KDM4B: variants seen among roughly 807,000 people sequenced by gnomAD.
KDM4B encodes lysine-specific demethylase 4B.
Under a neutral mutation model 125.2 loss-of-function variants are expected in KDM4B, and 32 were observed. The observed-to-expected ratio is 0.26, with a 90% confidence interval of 0.19 to 0.34. The LOEUF is 0.34. Among genes scored for constraint, KDM4B ranks in the 10% least tolerant of loss-of-function variants. The pLI, the probability that KDM4B is intolerant of heterozygous loss-of-function variation, is 1.00. For synonymous variants in KDM4B, 721 were observed against 677.9 expected, an observed-to-expected ratio of 1.06 and a Z score of -0.99; for missense variants, 1,190 against 1,577.7, an observed-to-expected ratio of 0.75 and a Z score of 4.16.
At chr19:5,101,447 C>G (rs1030550532) in intron 9 of KDM4B, among the ~76,000 whole-genome samples, 4 of 151,312 alleles carry the variant, frequency 2.6e-5, no homozygotes, top group Non-Finnish European at 2.9e-5. Context: ...TGCTTGAGCC[C>G]AGGACTTCGG....
intron 1 of KDM4B, among the ~76,000 whole-genome samples, chr19:4,979,595 G>A (rs532248908): frequency 1.3e-5 from 2 of 152,278 alleles, no homozygotes; most frequent in East Asian, 3.9e-4. Flanking sequence ...AGGCAGCCCC[G>A]TCCTCGAGGA....
chr19:5,043,968 C>T (rs978089621), intron 5 of KDM4B, among the ~76,000 whole-genome samples: 3 of 136,416 alleles, frequency 2.2e-5, no homozygotes, highest in Admixed American at 7.6e-5. Context: ...TGGTGGTTAT[C>T]GGAGTGGGGG....
rs2039952505 is a variant in KDM4B at position 5,151,725 on chromosome 19, G to T, written c.*214G>T. On this transcript the variant is annotated 3_prime_UTR_variant, in exon 23 of 23. Transcript: ENST00000159111. ...CCAGGCGGGCTCGGGGGCCGGCCAG[G>T]GGAGCACCCCACTCAACTACTCAGA... 5.0e-6 allele frequency: 2 copies of T among 398,778 alleles called. No individual in the cohort carries two copies. The highest frequency in any genetic ancestry group is 8.9e-5 in the Admixed American group (2 of 22,578). 24.7% of individuals were successfully genotyped at this position (398,778 alleles called of 1,614,324 possible).
chr19:5,057,029 C>CGTGTGTGTGTGTGTGT (rs74170763), intron 6 of KDM4B, among the ~76,000 whole-genome samples: 1 of 144,102 alleles, frequency 6.9e-6, no homozygotes, highest in Admixed American at 6.8e-5. Flanking sequence ...GATATATATG[C>CGTGTGTGTGTGTGTGT]GTGTGTGTGT....
chr19:5,068,409 G>A (rs986979411), intron 6 of KDM4B, among the ~76,000 whole-genome samples: 4 of 152,222 alleles, frequency 2.6e-5, no homozygotes, highest in Non-Finnish European at 5.9e-5. Context: ...AGCAGGCCCC[G>A]AGGCTACCTT....
chr19:4,993,148 G>A (rs1005875753), intron 1 of KDM4B, among the ~76,000 whole-genome samples: 5 of 152,166 alleles, frequency 3.3e-5, no homozygotes, highest in Non-Finnish European at 4.4e-5. Context: ...GGGGGCTCAT[G>A]CCTGTAATCT....
In KDM4B at chr19:5,152,110, GGGGGGGGGGCA is replaced by G. The variant is rs1233885391; in HGVS notation, c.*602_*612del. 1.7e-5 allele frequency: 2 copies of G among 119,098 alleles called. No individual in the cohort carries two copies. Among genetic ancestry groups the G allele is most frequent in the Non-Finnish European group, 3.4e-5 (2 of 58,340 alleles). The allele number at this position is 119,098 out of a possible 1,614,324, so 7.4% of individuals were successfully genotyped here. A position where few individuals can be genotyped will look rare whatever the true frequency, so the allele number is the denominator to read the frequency against. On this transcript the variant is annotated 3_prime_UTR_variant, in exon 23 of 23. Coordinates refer to ENST00000159111, the MANE Select transcript of KDM4B (RefSeq NM_015015.3). ...ACCCGGTAATTGGAGGGTGAGCCTC[GGGGGGGGGGCA>G]GGACGCCCCGGTTTCGGCACAGCCC...
intron 9 of KDM4B, among the ~76,000 whole-genome samples, chr19:5,084,172 G>A (rs998381030): frequency 2.6e-5 from 4 of 151,576 alleles, no homozygotes; most frequent in African/African-American, 7.3e-5. Flanking sequence ...ACTTGAACCC[G>A]GGAGGTGGAG....
intron 18 of KDM4B, among the ~76,000 whole-genome samples, chr19:5,138,674 G>GT (rs1361203098): frequency 2.0e-5 from 3 of 152,104 alleles, no homozygotes; most frequent in Admixed American, 2.0e-4. Flanking sequence ...ACAAACAATT[G>GT]TAACAATGCT....
At chr19:4,990,241 G>A (rs139311852) in intron 1 of KDM4B, among the ~76,000 whole-genome samples, 165 of 152,284 alleles carry the variant, frequency 1.1e-3, no homozygotes, top group African/African-American at 3.8e-3. Context: ...AGTGAGCCAC[G>A]ATTGCACCAG....
intron 6 of KDM4B, among the ~76,000 whole-genome samples, chr19:5,048,073 C>A (rs965800353): frequency 3.9e-5 from 6 of 152,220 alleles, no homozygotes; most frequent in Non-Finnish European, 5.9e-5. Context: ...GCCAGGATGA[C>A]CCTGCAGCCG....
At chr19:4,974,677 G>T (rs915331435) in intron 1 of KDM4B, among the ~76,000 whole-genome samples, 25 of 149,710 alleles carry the variant, frequency 1.7e-4, no homozygotes, top group Non-Finnish European at 3.5e-4. Flanking sequence ...GGCAGAGGCT[G>T]CAGTGAGCCA....
rs1392863665 is a variant in KDM4B at position 5,153,378 on chromosome 19, G to A, written c.*1867G>A. On this transcript the variant is annotated 3_prime_UTR_variant, in exon 23 of 23. Coordinates refer to ENST00000159111, the MANE Select transcript of KDM4B (RefSeq NM_015015.3). ...CCTTGGGGGTCACACCCATCCCCTG[G>A]TGGGCTCCTGGGCGGCCTGCGCAGA... 6.6e-6 allele frequency: 1 copy of A among 152,284 alleles called. No individual in the cohort carries two copies. The highest frequency in any genetic ancestry group is 1.5e-5 in the Non-Finnish European group (1 of 68,114). The allele number at this position is 152,284 out of a possible 1,614,324, so 9.4% of individuals were successfully genotyped here.
chr19:5,003,944 C>T (rs571572896), intron 1 of KDM4B, among the ~76,000 whole-genome samples: 250 of 152,296 alleles, frequency 1.6e-3, no homozygotes, highest in Non-Finnish European at 2.6e-3. Context: ...TTGTTGGCCG[C>T]GGTCGGATGC....
intron 6 of KDM4B, among the ~76,000 whole-genome samples, chr19:5,059,348 A>G (rs538709353): frequency 6.6e-6 from 1 of 152,310 alleles, no homozygotes; most frequent in Admixed American, 6.5e-5. Context: ...CGGGCGCAGG[A>G]TGGGGCCGAT....
chr19:5,097,246 G>A (rs1376519878), intron 9 of KDM4B, among the ~76,000 whole-genome samples: 3 of 152,272 alleles, frequency 2.0e-5, no homozygotes, highest in East Asian at 1.9e-4. Context: ...TCCAGGCTTC[G>A]TGGTTTTGTT....
intron 1 of KDM4B, among the ~76,000 whole-genome samples, chr19:4,990,675 C>A (rs1328957527): frequency 6.6e-6 from 1 of 152,114 alleles, no homozygotes; most frequent in Non-Finnish European, 1.5e-5. Flanking sequence ...TAGTTCTGGT[C>A]GCCTCTCCGG....
At position 5,035,498 on chromosome 19, in the gene KDM4B, G is replaced by A. The variant is rs2036589229; in HGVS notation, c.141+2467G>A. On this transcript the variant is annotated intron_variant, in intron 3 of 22. Coordinates refer to ENST00000159111, the MANE Select transcript of KDM4B (RefSeq NM_015015.3). The surrounding 1 kb of genome is among the most constrained non-coding windows in gnomAD (Gnocchi z 5.3). ...CTCTGCCCTCCACGTGGCGGCCTTG[G>A]GTGCAGCCTGGGTTCCCGGGTGGCC... is the stretch of plus-strand genomic sequence containing the variant. Among the ~76,000 whole-genome samples, 1 of 152,038 alleles carries A rather than the reference G, an allele frequency of 6.6e-6. No homozygotes were observed. The highest frequency in any genetic ancestry group is 1.5e-5 in the Non-Finnish European group (1 of 67,982).
At chr19:5,075,066 G>C (rs2038061148) in intron 7 of KDM4B, 1 of 152,396 alleles carries the variant, frequency 6.6e-6, no homozygotes, top group Non-Finnish European at 1.5e-5. Flanking sequence ...GCAGGTCCTA[G>C]TCTCCGCAGT....
Sources: gnomAD v4.1 joint callset for allele counts (sites outside exome capture counted in the v4.1 genomes callset) on GRCh38, gnomAD v4.1.1 for gene constraint, Gnocchi (gnomAD v3.1) non-coding constraint, MANE v1.5 for transcripts, NCBI Gene and HGNC (gene_info 2026-07-23, HGNC 2026-07-21) for gene names.